The following DOCK2 variants were observed in gnomAD, a reference collection of about 807,000 sequenced individuals.
DOCK2 encodes dedicator of cytokinesis 2.
Under a neutral mutation model 248.9 loss-of-function variants are expected in DOCK2, and 87 were observed. The observed-to-expected ratio is 0.35, with a 90% CI of 0.29 to 0.42. The LOEUF (loss-of-function observed/expected upper bound fraction) is 0.42. DOCK2 is among the 10% of genes least tolerant of loss of function. The pLI is 1.00. For synonymous variants in DOCK2, 805 were observed against 821.6 expected (o/e 0.98, Z 0.35); for missense variants, 1,747 against 2,300.2 (o/e 0.76, Z 4.92).
At chr5:169,989,643 C>T (rs934182729) in intron 29 of DOCK2, among the ~76,000 whole-genome samples, 3 of 152,166 alleles carry the variant, frequency 2.0e-5, no homozygotes, top group Non-Finnish European at 4.4e-5. Flanking sequence ...AGAGGCAGAA[C>T]AGGGCAGTTA....
chr5:169,884,313 A>AGGG (rs1561794496), intron 27 of DOCK2: 1 of 157,806 alleles, frequency 6.3e-6, no homozygotes, highest in African/African-American at 2.4e-5. Context: ...CAGACTCCCA[A>AGGG]TGAGTGAATT....
At chr5:169,644,089 T>C (rs565161849) in intron 1 of DOCK2, among the ~76,000 whole-genome samples, 1 of 152,074 alleles carries the variant, frequency 6.6e-6, no homozygotes, top group Non-Finnish European at 1.5e-5. Context: ...GTAAGCAAGA[T>C]GCAAAGCAGT....
chr5:169,878,533 A>G (rs1772456933), intron 27 of DOCK2, among the ~76,000 whole-genome samples: 1 of 152,214 alleles, frequency 6.6e-6, no homozygotes, highest in African/African-American at 2.4e-5. Context: ...TGAAACTGAG[A>G]CCTGCTCTTT....
intron 27 of DOCK2, among the ~76,000 whole-genome samples, chr5:169,946,441 A>C (rs746845041): frequency 5.3e-5 from 8 of 152,100 alleles, no homozygotes; most frequent in Non-Finnish European, 1.2e-4. Flanking sequence ...TCATATTGGG[A>C]GGAAAGGGCA....
At chr5:169,730,116 C>T (rs899669465) in intron 22 of DOCK2, among the ~76,000 whole-genome samples, 33 of 152,168 alleles carry the variant, frequency 2.2e-4, no homozygotes, top group Admixed American at 6.5e-4. Context: ...ACCACCACAC[C>T]CAGCTAATTT....
chr5:169,893,776 C>T (rs1308044445), intron 27 of DOCK2, among the ~76,000 whole-genome samples: 1 of 152,174 alleles, frequency 6.6e-6, no homozygotes, highest in East Asian at 1.9e-4. Flanking sequence ...AGAGTTGGCA[C>T]AGGCCACTTC....
intron 27 of DOCK2, among the ~76,000 whole-genome samples, chr5:169,978,394 G>GTGT (rs1561863716): frequency 1.2e-4 from 12 of 99,350 alleles, no homozygotes; most frequent in African/African-American, 6.2e-4. Flanking sequence ...TGTGTGTGTG[G>GTGT]GGGGGGGGGG....
chr5:169,657,891 C>A (rs1349350945), intron 2 of DOCK2, among the ~76,000 whole-genome samples: 1 of 152,038 alleles, frequency 6.6e-6, no homozygotes, highest in Non-Finnish European at 1.5e-5. Context: ...TTATGGCTAC[C>A]ATAAAGAATG....
chr5:169,857,310 A>G (rs920601960), intron 27 of DOCK2, among the ~76,000 whole-genome samples: 7 of 152,236 alleles, frequency 4.6e-5, no homozygotes, highest in African/African-American at 1.2e-4. Context: ...GGATTTACTT[A>G]TGATGACAAT....
rs142736304 is a variant in DOCK2 at position 169,818,745 on chromosome 5, T to G, written c.2703+15539T>G. The stretch of plus-strand genomic sequence containing the variant: ...CCAGCTCTAATTCTAACAGACTGTG[T>G]GACCTGAGATAGGTCACGCAAACAT... On this transcript the variant is annotated intron_variant, in intron 26 of 51. Transcript: ENST00000520908. Among the ~76,000 whole-genome samples, 156 of 152,250 alleles carry G rather than the reference T, an allele frequency of 1.0e-3. 3 individuals are homozygous for G. The East Asian group carries it at 0.021, about 21-fold the overall frequency.
intron 48 of DOCK2, 24 bp downstream of exon 48, chr5:170,077,861 C>CA (rs755991927): frequency 6.2e-7 from 1 of 1,605,246 alleles, no homozygotes; most frequent in East Asian, 2.2e-5. Context: ...CCCCAAGGAG[C>CA]CCCCCACACC....
At chr5:169,741,235 G>T (rs1227861967) in intron 22 of DOCK2, among the ~76,000 whole-genome samples, 2 of 152,166 alleles carry the variant, frequency 1.3e-5, no homozygotes, top group Non-Finnish European at 2.9e-5. Flanking sequence ...GGGGATGGTG[G>T]CAGTGACCTT....
intron 27 of DOCK2, chr5:169,864,582 G>C (rs1240984834): frequency 5.3e-6 from 4 of 754,282 alleles, no homozygotes; most frequent in Non-Finnish European, 8.3e-6. Context: ...AGATCCTTAG[G>C]TACCTACTGG....
At chr5:169,752,136 C>T (rs747470561) in intron 23 of DOCK2, among the ~76,000 whole-genome samples, 39 of 152,160 alleles carry the variant, frequency 2.6e-4, no homozygotes, top group Non-Finnish European at 3.7e-4. Flanking sequence ...GTCAACACCA[C>T]ACACATGTAA....
At chr5:170,042,819 T>C (rs1756566877) in intron 38 of DOCK2, among the ~76,000 whole-genome samples, 1 of 152,242 alleles carries the variant, frequency 6.6e-6, no homozygotes, top group Non-Finnish European at 1.5e-5. Flanking sequence ...TCTTTTTACT[T>C]GTTTATTTTC....
chr5:169,838,002 A>G (rs1769694554), intron 26 of DOCK2, among the ~76,000 whole-genome samples: 1 of 150,104 alleles, frequency 6.7e-6, no homozygotes, highest in Admixed American at 6.6e-5. Context: ...TGGAAAAAAA[A>G]TAGCATCAAA....
At chr5:169,755,406 T>C (rs894097659) in intron 23 of DOCK2, among the ~76,000 whole-genome samples, 1 of 152,162 alleles carries the variant, frequency 6.6e-6, no homozygotes, top group Non-Finnish European at 1.5e-5. Context: ...GTAATAATGA[T>C]ACAATATTAT....
chr5:169,727,430 T>TG (rs1210283062), intron 22 of DOCK2, among the ~76,000 whole-genome samples: 1 of 152,132 alleles, frequency 6.6e-6, no homozygotes, highest in Non-Finnish European at 1.5e-5. Flanking sequence ...ACGAATGTCA[T>TG]GTTTGTGGAG....
chr5:169,864,801 A>T (rs79132354), intron 27 of DOCK2, among the ~76,000 whole-genome samples: 4,295 of 152,288 alleles, frequency 0.028, 74 homozygotes, highest in Non-Finnish European at 0.039. Context: ...TCTCATTATT[A>T]AAAAATTGAG....
Sources: allele counts gnomAD v4.1 joint callset (sites outside exome capture counted in the v4.1 genomes callset), GRCh38; gene constraint gnomAD v4.1.1; transcripts MANE v1.5; gene names NCBI Gene and HGNC (gene_info 2026-07-23, HGNC 2026-07-21).